Variants in DYNC1I1 observed in about 807,000 individuals in gnomAD.
DYNC1I1 encodes the protein cytoplasmic dynein 1 intermediate chain 1.
In DYNC1I1, 43 loss-of-function variants were observed where a neutral mutation model predicts 86.6. The ratio of observed to expected loss-of-function variants is 0.50; its 90% CI spans 0.39 to 0.64. The LOEUF is 0.64. Ranked by LOEUF, DYNC1I1 falls within the 30% of genes least tolerant of loss-of-function variation. The pLI, the probability that DYNC1I1 is intolerant of heterozygous loss-of-function variation, is 0.00. For missense variants in DYNC1I1, 604 were observed against 788.8 expected (o/e 0.77, Z 2.81); for synonymous variants, 262 against 283.7 (o/e 0.92, Z 0.77).
At chr7:95,818,205 C>CT (rs35895039) in intron 4 of DYNC1I1, among the ~76,000 whole-genome samples, 46,813 of 143,254 alleles carry the variant, frequency 0.33, 7,524 homozygotes, top group African/African-American at 0.36. Context: ...TAATTTTTGT[C>CT]TTTTTTTTTT....
chr7:95,818,503 G>A (rs946034053), intron 4 of DYNC1I1: 21 of 617,570 alleles, frequency 3.4e-5, no homozygotes, highest in Middle Eastern at 3.1e-4. Context: ...TTGTAGAGAC[G>A]AAGCATTGCT....
chr7:96,073,912 T>A (rs958922059), intron 14 of DYNC1I1, among the ~76,000 whole-genome samples: 2 of 152,190 alleles, frequency 1.3e-5, no homozygotes, highest in African/African-American at 4.8e-5. Context: ...TCAGGTGTCA[T>A]TGGACAGTTA....
In DYNC1I1 at chr7:95,793,652, A is replaced by G. The variant is rs557445851; in HGVS notation, c.-9-11069A>G. Among the ~76,000 whole-genome samples, 6 of 152,318 alleles carry G rather than the reference A, an allele frequency of 3.9e-5. No homozygotes were observed. In the East Asian group the frequency reaches 9.6e-4, roughly 24 times the overall value. On this transcript the variant is annotated intron_variant, in intron 1 of 16. Coordinates refer to ENST00000447467, the MANE Select transcript of DYNC1I1 (RefSeq NM_001135556.2). ...ACACAGAGTCTAAATGGCTAAAAAT[A>G]TGCTTATTTGAACTCTATTTTAACC...
At chr7:96,009,110 A>C (rs563144647) in intron 10 of DYNC1I1, among the ~76,000 whole-genome samples, 3 of 152,304 alleles carry the variant, frequency 2.0e-5, no homozygotes, top group African/African-American at 7.2e-5. Context: ...CTGGTTTTTA[A>C]ATGAAGTCAT....
At chr7:95,813,046 A>C in intron 3 of DYNC1I1, 1 of 1,164,200 alleles carries the variant, frequency 8.6e-7, no homozygotes, top group South Asian at 1.5e-5. Flanking sequence ...TTCAAATTTT[A>C]ATTTCCAAAA....
At position 95,948,005 on chromosome 7, in the gene DYNC1I1, G is replaced by A. The variant is rs1426543499; in HGVS notation, c.491-29507G>A. Among the ~76,000 whole-genome samples the A allele has an allele frequency of 1.3e-4, 14 of 108,280 alleles. No individual in the cohort carries two copies. In the Admixed American group the frequency reaches 1.5e-3, roughly 12 times the overall value. 71.0% of individuals were successfully genotyped at this position (108,280 alleles called of 152,430 possible). ...CTTTTTTTTTTTTTTTTTTTTGGTA[G>A]CAACCAAGGAAAGGGGCTAAGTTCT... On this transcript the variant is annotated intron_variant, in intron 6 of 16. Coordinates refer to ENST00000447467, the MANE Select transcript of DYNC1I1 (RefSeq NM_001135556.2).
At chr7:96,083,623 G>C (rs1790588919) in intron 16 of DYNC1I1, among the ~76,000 whole-genome samples, 1 of 152,190 alleles carries the variant, frequency 6.6e-6, no homozygotes, top group South Asian at 2.1e-4. Context: ...AGGCCAGATG[G>C]AATGCTTCAT....
intron 16 of DYNC1I1, among the ~76,000 whole-genome samples, chr7:96,086,747 G>A (rs566615104): frequency 6.6e-6 from 1 of 152,182 alleles, no homozygotes; most frequent in Middle Eastern, 3.4e-3. Context: ...ATGTAACACT[G>A]CCAAAAAAGT....
intron 6 of DYNC1I1, among the ~76,000 whole-genome samples, chr7:95,966,594 C>G (rs1793019636): frequency 6.6e-6 from 1 of 152,238 alleles, no homozygotes; most frequent in Non-Finnish European, 1.5e-5. Context: ...ACTCTTGACT[C>G]TACTGCTGCG....
rs11452827 is a variant in DYNC1I1 at position 95,813,093 on chromosome 7, C to CTTTTTTTT, written c.224-147_224-140dup. 7.2e-6 allele frequency: 8 copies of CTTTTTTTT among 1,114,296 alleles called. 1 individual carries two copies. The highest frequency in any genetic ancestry group is 3.1e-4 in the Middle Eastern group (1 of 3,242). The allele number at this position is 1,114,296 out of a possible 1,614,324, so 69.0% of individuals were successfully genotyped here. A position where few individuals can be genotyped will look rare whatever the true frequency, so the allele number is the denominator to read the frequency against. The stretch of plus-strand genomic sequence containing the variant: ...CACTGGACTTTTTTCCTTTTCTTTC[C>CTTTTTTTT]TTTTTTTTTTTTTTCTTTATCCCAT... On this transcript the variant is annotated intron_variant, in intron 3 of 16. Transcript: ENST00000447467.
At chr7:95,887,898 A>G (rs1000039950) in intron 6 of DYNC1I1, among the ~76,000 whole-genome samples, 5 of 152,170 alleles carry the variant, frequency 3.3e-5, no homozygotes, top group Admixed American at 2.0e-4. Flanking sequence ...TTACCCATCT[A>G]TGATTCATTA....
At chr7:95,935,336 G>A (rs370118593) in intron 6 of DYNC1I1, among the ~76,000 whole-genome samples, 3 of 151,902 alleles carry the variant, frequency 2.0e-5, no homozygotes, top group Non-Finnish European at 2.9e-5. Flanking sequence ...ATAGTATTCC[G>A]TGGCATGAAT....
chr7:95,881,385 T>C (rs1352283530), intron 6 of DYNC1I1, among the ~76,000 whole-genome samples: 1 of 151,770 alleles, frequency 6.6e-6, no homozygotes, highest in Non-Finnish European at 1.5e-5. Context: ...AAAAAAAAAG[T>C]AAAACCTGAT....
In DYNC1I1 at chr7:96,034,638, A is replaced by G. The variant is rs1218779727; in HGVS notation, c.1231-981A>G. Among the ~76,000 whole-genome samples, 6 of 152,204 alleles carry G rather than the reference A, an allele frequency of 3.9e-5. No individual in the cohort carries two copies. The East Asian group carries it at 1.2e-3, about 29-fold the overall frequency. Reference sequence around the variant, plus strand: ...GATGATCCAGTTATCTGTATGACATAGTCACAGCATCCTCTCCTTTATCCC... The same window carrying G: ...GATGATCCAGTTATCTGTATGACATGGTCACAGCATCCTCTCCTTTATCCC... On this transcript the variant is annotated intron_variant, in intron 12 of 16. Coordinates refer to ENST00000447467, the MANE Select transcript of DYNC1I1 (RefSeq NM_001135556.2).
At chr7:96,013,489 T>C (rs929009707) in intron 10 of DYNC1I1, among the ~76,000 whole-genome samples, 1 of 152,118 alleles carries the variant, frequency 6.6e-6, no homozygotes, top group African/African-American at 2.4e-5. Flanking sequence ...GACAGGGTCT[T>C]ACTCTGTCAC....
chr7:96,010,044 G>A (rs575246716), intron 10 of DYNC1I1, among the ~76,000 whole-genome samples: 6 of 152,030 alleles, frequency 3.9e-5, no homozygotes, highest in African/African-American at 9.7e-5. Context: ...CTCCCCAGAC[G>A]ACATTTTATT....
intron 6 of DYNC1I1, among the ~76,000 whole-genome samples, chr7:95,875,386 G>A (rs550177429): frequency 6.6e-6 from 1 of 152,274 alleles, no homozygotes; most frequent in Admixed American, 6.5e-5. Context: ...TAAATCAGAG[G>A]TGCCGAGAGA....
intron 14 of DYNC1I1, among the ~76,000 whole-genome samples, chr7:96,050,206 G>T (rs1003845877): frequency 6.6e-6 from 1 of 152,072 alleles, no homozygotes; most frequent in Non-Finnish European, 1.5e-5. Context: ...GTCTGTATTC[G>T]AGGGGGAATG....
intron 1 of DYNC1I1, among the ~76,000 whole-genome samples, chr7:95,775,734 G>C (rs1160072616): frequency 6.6e-6 from 1 of 152,108 alleles, no homozygotes; most frequent in Non-Finnish European, 1.5e-5. Context: ...CAAATGCTGT[G>C]TAAATAGTTG....
Sources: gnomAD v4.1 joint callset for allele counts (sites outside exome capture counted in the v4.1 genomes callset) on GRCh38, gnomAD v4.1.1 for gene constraint, MANE v1.5 for transcripts, NCBI Gene and HGNC (gene_info 2026-07-23, HGNC 2026-07-21) for gene names.